SHANK2: variants seen among roughly 807,000 people sequenced by gnomAD.
SHANK2 encodes the protein SH3 and multiple ankyrin repeat domains protein 2.
A neutral mutation model predicts 133.7 loss-of-function variants in SHANK2; 43 were observed. That is an observed-to-expected ratio of 0.32 (90% CI 0.25 to 0.41). The LOEUF (loss-of-function observed/expected upper bound fraction) is 0.41, where lower values mean the gene tolerates loss of function less well. SHANK2 is among the 10% of genes least tolerant of loss of function. The probability of loss-of-function intolerance (pLI) is 1.00; values close to 1 mark genes in which losing one functional copy is unlikely to be tolerated. For missense variants in SHANK2, 1,994 were observed against 2,235.8 expected (o/e 0.89, Z 2.18); for synonymous variants, 1,017 against 952.8 (o/e 1.07, Z -1.24).
intron 1 of SHANK2, among the ~76,000 whole-genome samples, chr11:71,248,858 C>T (rs782514538): frequency 2.0e-5 from 3 of 152,156 alleles, no homozygotes; most frequent in African/African-American, 7.2e-5. Flanking sequence ...GCACTCGATG[C>T]TCACCTCCAT....
At position 70,798,509 on chromosome 11, in the gene SHANK2, G is replaced by A. The variant is rs1947969738; in HGVS notation, c.1711C>T (p.His571Tyr). The change falls in exon 14 of 26, where the codon CAC becomes TAC. Residue 571 changes from histidine (H) to tyrosine (Y), a missense_variant. Physicochemically the swap from His to Tyr is moderately conservative, Grantham distance 83 (BLOSUM62 2). Around this residue, in one of 5 missense-constraint regions of SHANK2, gnomAD observed 653 missense variants for 563.4 expected, o/e 1.16. Transcript: ENST00000601538. ...CACTCCGCCGGAAACCATCCGATGT[G>A]GCCGCGGGCGCTGCCTTCCCAGAAG... ...GGFWEGSARG[H>Y]IGWFPAECVE... 1.4e-6 allele frequency: 1 copy of A among 718,496 alleles called. No homozygotes were observed. The highest frequency in any genetic ancestry group is 2.6e-6 in the Non-Finnish European group (1 of 385,112). The allele number at this position is 718,496 out of a possible 1,614,324, so 44.5% of individuals were successfully genotyped here. A position where few individuals can be genotyped will look rare whatever the true frequency, so the allele number is the denominator to read the frequency against.
chr11:71,209,408 G>C (rs187906299), intron 2 of SHANK2, among the ~76,000 whole-genome samples: 2 of 152,198 alleles, frequency 1.3e-5, no homozygotes, highest in African/African-American at 2.4e-5. Flanking sequence ...AGGGAGCTTC[G>C]GTTCGCAGGA....
chr11:70,510,391 C>T (rs990412651), intron 17 of SHANK2, among the ~76,000 whole-genome samples: 1 of 152,190 alleles, frequency 6.6e-6, no homozygotes, highest in African/African-American at 2.4e-5. Flanking sequence ...AGGCCACAGC[C>T]CTCCCGCGCT....
At position 70,661,584 on chromosome 11, in the gene SHANK2, G is replaced by A. The variant is rs374963563; in HGVS notation, c.1936+12C>T. Reference sequence around the variant, plus strand: ...ATGGGAACATATTCAGGCTCAGAGCGGCTGCTCTTACCTTTGGCCCCTCGA... The same window carrying A: ...ATGGGAACATATTCAGGCTCAGAGCAGCTGCTCTTACCTTTGGCCCCTCGA... On this transcript the variant is annotated intron_variant, in intron 16 of 25. Coordinates refer to ENST00000601538, the MANE Select transcript of SHANK2 (RefSeq NM_012309.5). The A allele has an allele frequency of 4.3e-5, 69 of 1,606,112 alleles. No homozygotes were observed. The highest frequency in any genetic ancestry group is 1.8e-4 in the South Asian group (16 of 90,872).
intron 14 of SHANK2, among the ~76,000 whole-genome samples, chr11:70,797,994 T>A (rs1193522139): frequency 6.6e-6 from 1 of 152,194 alleles, no homozygotes; most frequent in African/African-American, 2.4e-5. Context: ...GATGCTGGAA[T>A]GGCTTCCCGT....
intron 2 of SHANK2, among the ~76,000 whole-genome samples, chr11:71,167,826 C>T (rs1172799490): frequency 7.1e-6 from 1 of 140,268 alleles, no homozygotes; most frequent in Non-Finnish European, 1.5e-5. Flanking sequence ...CCGGACGGGG[C>T]GGCCGGCCAG....
chr11:70,473,367 G>T lies in SHANK2; in HGVS notation c.5052C>A (p.Thr1684=), dbSNP rs782274989. Residue 1684 remains threonine (T), a synonymous_variant, in exon 26 of 26, where the codon ACC becomes ACA. Coordinates refer to ENST00000601538, the MANE Select transcript of SHANK2 (RefSeq NM_012309.5). This position sits in a 1 kb window ranked among gnomAD's most constrained non-coding sequence, Gnocchi z 5.9. ...TTVTFTVRPG[T]SQPITLQSRP... ...GGCTCTGCAGGGTGATGGGCTGGGA[G>T]GTGCCGGGGCGAACAGTGAAGGTGA... 1 of 1,612,562 alleles carries T rather than the reference G, an allele frequency of 6.2e-7. No individual in the cohort carries two copies. The highest frequency in any genetic ancestry group is 1.1e-5 in the South Asian group (1 of 91,084).
At chr11:70,837,587 G>A (rs1381245256) in intron 11 of SHANK2, among the ~76,000 whole-genome samples, 2 of 152,088 alleles carry the variant, frequency 1.3e-5, no homozygotes, top group Non-Finnish European at 2.9e-5. Flanking sequence ...TGCTTATATG[G>A]TCTTTCTCCC....
intron 15 of SHANK2, among the ~76,000 whole-genome samples, chr11:70,689,012 C>T (rs1945216466): frequency 6.6e-6 from 1 of 152,206 alleles, no homozygotes; most frequent in Non-Finnish European, 1.5e-5. Context: ...GTCTCTAAGC[C>T]TCTCTTTTTG....
Position 70,560,408 on chromosome 11 carries a change from T to C in SHANK2, c.2062-57477A>G, listed in dbSNP as rs145461007. Among the ~76,000 whole-genome samples the C allele has an allele frequency of 2.0e-5, 3 of 151,416 alleles. No individual in the cohort carries two copies. The East Asian group carries it at 5.8e-4, about 29-fold the overall frequency. Reference sequence around the variant, plus strand: ...TCTCAATAAATGGAGAGGTTTTAGATCATGTGGCAGGAGACTGAATCTCTC... The same window carrying C: ...TCTCAATAAATGGAGAGGTTTTAGACCATGTGGCAGGAGACTGAATCTCTC... On this transcript the variant is annotated intron_variant, in intron 17 of 25. Coordinates refer to ENST00000601538, the MANE Select transcript of SHANK2 (RefSeq NM_012309.5).
chr11:70,543,763 T>C (rs1055326248), intron 17 of SHANK2, among the ~76,000 whole-genome samples: 2 of 152,182 alleles, frequency 1.3e-5, no homozygotes. Flanking sequence ...GAGGCACAGG[T>C]CACAACCTGG....
At chr11:71,187,139 T>C (rs956787587) in intron 2 of SHANK2, among the ~76,000 whole-genome samples, 2 of 152,242 alleles carry the variant, frequency 1.3e-5, no homozygotes, top group African/African-American at 4.8e-5. Context: ...TCCTGTTGGC[T>C]GCTGTCTTAA....
Position 70,659,917 on chromosome 11 carries a change from C to T in SHANK2, c.1972G>A (p.Ala658Thr). The change falls in exon 17 of 26, where the codon GCT becomes ACT. Residue 658 changes from alanine to threonine, a missense_variant. Physicochemically the swap from Ala to Thr is moderately conservative, Grantham distance 58. This residue lies in a region of SHANK2 where 488 missense variants were observed against 642.6 expected (regional missense o/e 0.76). Coordinates refer to ENST00000601538, the MANE Select transcript of SHANK2 (RefSeq NM_012309.5). Reference protein sequence around the residue: ...TPIEEFTPTPAFPALQYLESV... With the variant: ...TPIEEFTPTPTFPALQYLESV... ...TCCAGGTACTGTAGGGCTGGGAAAG[C>T]CGGTGTTGGTGTGAATTCTTCAATG... The T allele has an allele frequency of 6.2e-7, 1 of 1,614,228 alleles. No individual in the cohort carries two copies. The highest frequency in any genetic ancestry group is 8.5e-7 in the Non-Finnish European group (1 of 1,180,046).
At chr11:70,905,986 T>C (rs1555077894) in intron 10 of SHANK2, among the ~76,000 whole-genome samples, 2 of 152,108 alleles carry the variant, frequency 1.3e-5, no homozygotes, top group African/African-American at 2.4e-5. Flanking sequence ...TAATTTTTTG[T>C]ATTTTTAGTA....
At chr11:70,907,412 G>A (rs148247512) in intron 10 of SHANK2, among the ~76,000 whole-genome samples, 8 of 152,194 alleles carry the variant, frequency 5.3e-5, no homozygotes, top group African/African-American at 1.4e-4. Context: ...AGGCTTGGAC[G>A]TTGGACAGCC....
chr11:71,206,528 AC>A (rs1555118017), intron 2 of SHANK2, among the ~76,000 whole-genome samples: 1 of 152,194 alleles, frequency 6.6e-6, no homozygotes, highest in Non-Finnish European at 1.5e-5. Context: ...GAGAGATCGC[AC>A]TATTCTCATA....
intron 17 of SHANK2, among the ~76,000 whole-genome samples, chr11:70,516,090 C>T (rs1183960093): frequency 5.3e-5 from 8 of 152,084 alleles, no homozygotes; most frequent in Non-Finnish European, 1.0e-4. Flanking sequence ...AGACTAAGTT[C>T]GATCACAGCC....
intron 2 of SHANK2, among the ~76,000 whole-genome samples, chr11:71,177,011 G>T (rs1378329218): frequency 2.0e-5 from 3 of 152,298 alleles, no homozygotes; most frequent in East Asian, 1.9e-4. Context: ...ACTTAAGAAT[G>T]ACAGCAGATT....
At chr11:70,718,692 C>G (rs1946006764) in intron 14 of SHANK2, among the ~76,000 whole-genome samples, 1 of 99,984 alleles carries the variant, frequency 1.0e-5, no homozygotes, top group Non-Finnish European at 1.9e-5. Flanking sequence ...TTTGATAGAG[C>G]TCATTCTCTT....
Sources: allele counts gnomAD v4.1 joint callset (sites outside exome capture counted in the v4.1 genomes callset), GRCh38; gene constraint gnomAD v4.1.1; regional missense constraint gnomAD v4.1.1; non-coding constraint Gnocchi (gnomAD v3.1); transcripts MANE v1.5; gene names NCBI Gene and HGNC (gene_info 2026-07-23, HGNC 2026-07-21).